Variants in MGST1 observed in about 807,000 individuals in gnomAD.
MGST1 encodes the protein microsomal glutathione S-transferase 1.
MGST1 carries 5 observed loss-of-function variants against 8.9 expected under a neutral mutation model. That is an observed-to-expected ratio of 0.56 (90% CI 0.29 to 1.19). MGST1 has a LOEUF of 1.19. Ranked by LOEUF, MGST1 falls within the 50% of genes most tolerant of loss-of-function variation. The pLI is 0.08. For missense variants in MGST1, 182 were observed against 187.4 expected (o/e 0.97, Z 0.17); for synonymous variants, 54 against 67.8 (o/e 0.80, Z 1.00).
At position 16,427,274 on chromosome 12, in the gene MGST1, A is replaced by G. The variant is rs187819876; in HGVS notation, n.779-10114A>G. ...TACAGGTGATGAGTGGGAATGATCT[A>G]TGTAAACAGGGGATGAAGGGCAGAG... is the stretch of plus-strand genomic sequence containing the variant. On this transcript the variant is annotated intron_variant and non_coding_transcript_variant, in intron 1 of 1. Transcript: ENST00000359720. Among the ~76,000 whole-genome samples the G allele has an allele frequency of 1.1e-4, 16 of 152,300 alleles. No homozygotes were observed. In the East Asian group the frequency reaches 2.9e-3, roughly 28 times the overall value.
chr12:16,420,452 T>C (rs1055965723), intron 1 of MGST1, among the ~76,000 whole-genome samples: 1 of 152,224 alleles, frequency 6.6e-6, no homozygotes, highest in East Asian at 1.9e-4. Context: ...TTAAAAAAAC[T>C]ATCCTAAGTC....
At chr12:16,438,039 G>A (rs1486057559) in exon 2 of MGST1, 1 of 151,896 alleles carries the variant, frequency 6.6e-6, no homozygotes, top group African/African-American at 2.4e-5. Flanking sequence ...CCTGCTCTTG[G>A]AAGACAATAT....
intron 4 of MGST1, among the ~76,000 whole-genome samples, chr12:16,478,543 A>G (rs2137141693): frequency 6.6e-6 from 1 of 152,166 alleles, no homozygotes; most frequent in East Asian, 1.9e-4. Context: ...TTACTATAAT[A>G]TTTTTTATGT....
chr12:16,411,869 T>C (rs1940745423), intron 1 of MGST1, among the ~76,000 whole-genome samples: 1 of 152,148 alleles, frequency 6.6e-6, no homozygotes, highest in African/African-American at 2.4e-5. Flanking sequence ...CAAACACTTA[T>C]CAGTTCTATG....
At position 16,584,586 on chromosome 12, in the gene MGST1, G is replaced by C. The variant is rs908566512; in HGVS notation, n.483-4942G>C. Among the ~76,000 whole-genome samples, 2 of 136,382 alleles carry C rather than the reference G, an allele frequency of 1.5e-5. No individual in the cohort carries two copies. Among genetic ancestry groups the C allele is most frequent in the South Asian group, 2.3e-4 (1 of 4,434 alleles). The allele number at this position is 136,382 out of a possible 152,430, so 89.5% of individuals were successfully genotyped here. A position where few individuals can be genotyped will look rare whatever the true frequency, so the allele number is the denominator to read the frequency against. On this transcript the variant is annotated intron_variant and non_coding_transcript_variant, in intron 4 of 4. Coordinates refer to the MGST1 transcript ENST00000538857. This position sits in a 1 kb window ranked among gnomAD's most constrained non-coding sequence, Gnocchi z 5.2. ...GATTAACATTGGCAAGTGGAGGAGTGGGGGGGGTAAGAGGCCTGTTTAGAG... is the reference window on the plus strand; with the variant it reads ...GATTAACATTGGCAAGTGGAGGAGTCGGGGGGGTAAGAGGCCTGTTTAGAG...
chr12:16,368,702 T>C (rs1940236240), downstream of MGST1, among the ~76,000 whole-genome samples: 1 of 152,180 alleles, frequency 6.6e-6, no homozygotes, highest in Non-Finnish European at 1.5e-5. Flanking sequence ...GGATGAGCTA[T>C]AGGACCTGTG....
rs1403995028 is a variant in MGST1, at chr12:16,363,522, G to C, written c.222-273G>C. The C allele has an allele frequency of 9.1e-6, 2 of 220,584 alleles. No individual in the cohort carries two copies. The highest frequency in any genetic ancestry group is 1.8e-5 in the Non-Finnish European group (2 of 113,802). 13.7% of individuals were successfully genotyped at this position (220,584 alleles called of 1,614,324 possible). A position where few individuals can be genotyped will look rare whatever the true frequency, so the allele number is the denominator to read the frequency against. On this transcript the variant is annotated intron_variant, in intron 3 of 3. Coordinates refer to ENST00000396210, the MANE Select transcript of MGST1 (RefSeq NM_020300.5). This position sits in a 1 kb window ranked among gnomAD's most constrained non-coding sequence, Gnocchi z 4.6. ...TACAAAAATGAAATGAGTTCTATTA[G>C]ATAGATGTCGTTTTGATATTCTAGG...
intron 4 of MGST1, among the ~76,000 whole-genome samples, chr12:16,536,857 G>C (rs1166670435): frequency 6.6e-6 from 1 of 152,102 alleles, no homozygotes; most frequent in Non-Finnish European, 1.5e-5. Context: ...GGAATTATGG[G>C]AATACAATTC....
chr12:16,590,392 T>C (rs1943453649), downstream of MGST1, among the ~76,000 whole-genome samples: 3 of 152,196 alleles, frequency 2.0e-5, no homozygotes, highest in African/African-American at 7.2e-5. Context: ...CTCTAAGTGC[T>C]GGATTTAGAA....
chr12:16,439,431 A>C (rs1198792121), downstream of MGST1, among the ~76,000 whole-genome samples: 1 of 151,792 alleles, frequency 6.6e-6, no homozygotes, highest in African/African-American at 2.4e-5. Context: ...GTCAGACTCT[A>C]ATTATGTTTA....
chr12:16,414,360 T>C (rs1004849189), intron 1 of MGST1, among the ~76,000 whole-genome samples: 4 of 143,204 alleles, frequency 2.8e-5, no homozygotes, highest in African/African-American at 7.6e-5. Flanking sequence ...CTGATTTCTT[T>C]TTTTTTTTTT....
At position 16,493,531 on chromosome 12, in the gene MGST1, C is replaced by A. The variant is rs191420466; in HGVS notation, n.483-95997C>A. Among the ~76,000 whole-genome samples, 3 of 152,262 alleles carry A rather than the reference C, an allele frequency of 2.0e-5. No individual in the cohort carries two copies. In the East Asian group the frequency reaches 5.8e-4, roughly 29 times the overall value. ...GTTTAAGTTATTTTGAATCAAGTTT[C>A]TAGCCACCTTCAATTGGCCAAGTCC... On this transcript the variant is annotated intron_variant and non_coding_transcript_variant, in intron 4 of 4. Coordinates refer to the MGST1 transcript ENST00000538857.
intron 4 of MGST1, among the ~76,000 whole-genome samples, chr12:16,473,268 T>C (rs1328838466): frequency 1.3e-5 from 2 of 152,290 alleles, no homozygotes; most frequent in African/African-American, 4.8e-5. Context: ...TACAGGCATA[T>C]AGGAGTTAGT....
At chr12:16,557,438 A>G (rs141941336) in intron 4 of MGST1, among the ~76,000 whole-genome samples, 1 of 149,950 alleles carries the variant, frequency 6.7e-6, no homozygotes, top group Non-Finnish European at 1.5e-5. Flanking sequence ...GTAGTTTTGT[A>G]GATTTCTGCT....
intron 3 of MGST1, among the ~76,000 whole-genome samples, chr12:16,360,980 T>TG (rs575833407): frequency 6.9e-5 from 10 of 144,220 alleles, no homozygotes; most frequent in Non-Finnish European, 6.1e-5. Context: ...TTTATAGTGT[T>TG]CCCCCCCTCC....
intron 4 of MGST1, among the ~76,000 whole-genome samples, chr12:16,460,597 GT>G (rs368666166): frequency 0.18 from 23,256 of 131,826 alleles, 1,946 homozygotes; most frequent in Non-Finnish European, 0.24. Context: ...ATTCAGGTCA[GT>G]TTTTTTTTTT....
chr12:16,589,543 A>C lies in MGST1; in HGVS notation n.498A>C, dbSNP rs1043577549. 2.0e-5 allele frequency: 3 copies of C among 152,120 alleles called. No homozygotes were observed. The highest frequency in any genetic ancestry group is 4.8e-5 in the African/African-American group (2 of 41,430). The allele number at this position is 152,120 out of a possible 1,614,324, so 9.4% of individuals were successfully genotyped here. ...TCTTTTTTAGGTTGCTGCAGAAGTC[A>C]AGAGCTAACCAAGAAGACAAGGAAT... On this transcript the variant is annotated non_coding_transcript_exon_variant, in exon 5 of 5. Coordinates refer to the MGST1 transcript ENST00000538857. The surrounding 1 kb of genome is among the most constrained non-coding windows in gnomAD (Gnocchi z 4.2).
rs190491747 is a variant in MGST1, at chr12:16,524,103, A to C, written n.483-65425A>C. 5.7e-4 allele frequency among the ~76,000 whole-genome samples: 86 copies of C among 152,182 alleles called. 1 individual carries two copies. The highest frequency in any genetic ancestry group is 2.1e-3 in the African/African-American group (86 of 41,548). On this transcript the variant is annotated intron_variant and non_coding_transcript_variant, in intron 4 of 4. Transcript: ENST00000538857. Reference sequence around the variant, plus strand: ...TAAGTTGCTATTAAAGAATCAATCAACTAAATTTGTCAGAAAGTGTTTGTG... The same window carrying C: ...TAAGTTGCTATTAAAGAATCAATCACCTAAATTTGTCAGAAAGTGTTTGTG...
chr12:16,390,127 A>C (rs1940537285), intron 1 of MGST1, among the ~76,000 whole-genome samples: 1 of 152,128 alleles, frequency 6.6e-6, no homozygotes, highest in Non-Finnish European at 1.5e-5. Context: ...TGGTTAGGAA[A>C]TGTAATAGAG....
Sources: gnomAD v4.1 joint callset for allele counts (sites outside exome capture counted in the v4.1 genomes callset) on GRCh38, gnomAD v4.1.1 for gene constraint, Gnocchi (gnomAD v3.1) non-coding constraint, MANE v1.5 for transcripts, NCBI Gene and HGNC (gene_info 2026-07-23, HGNC 2026-07-21) for gene names.